The following HMGB1 variants were observed in gnomAD, a reference collection of about 807,000 sequenced individuals.
HMGB1 encodes the protein high mobility group protein B1.
For missense variants in HMGB1, 79 were observed against 253.5 expected, an observed-to-expected ratio of 0.31 and a Z score of 4.67; for synonymous variants, 81 against 84.0, an observed-to-expected ratio of 0.96 and a Z score of 0.19.
chr13:30,520,710 A>C (rs1335022478), intron 1 of HMGB1, among the ~76,000 whole-genome samples: 1 of 152,222 alleles, frequency 6.6e-6, no homozygotes, highest in African/African-American at 2.4e-5. Context: ...TGTTTGACTC[A>C]GAGTCTGCTT....
intron 1 of HMGB1, among the ~76,000 whole-genome samples, chr13:30,599,920 T>A (rs1047135410): frequency 1.7e-4 from 26 of 152,224 alleles, no homozygotes; most frequent in African/African-American, 6.3e-4. Flanking sequence ...TATAGTATAG[T>A]AACTGCATCT....
At chr13:30,476,669 G>A (rs750754968) in intron 1 of HMGB1, among the ~76,000 whole-genome samples, 1 of 151,924 alleles carries the variant, frequency 6.6e-6, no homozygotes, top group Non-Finnish European at 1.5e-5. Flanking sequence ...TTCAAGACCA[G>A]CCTGGCCAAC....
Position 30,457,662 on chromosome 13 carries a change from CT to C in HMGB1, c.*3694del, listed in dbSNP as rs1886046941. Reference sequence around the variant, plus strand: ...AGAGATTACCTTAGACTGAACCCCCCTGGAAGACGAGCATTACATATTCTGG... The same window carrying C: ...AGAGATTACCTTAGACTGAACCCCCCGGAAGACGAGCATTACATATTCTGG... On this transcript the variant is annotated 3_prime_UTR_variant, in exon 5 of 5. Transcript: ENST00000341423. 1.3e-5 allele frequency: 2 copies of C among 152,360 alleles called. No individual in the cohort carries two copies. The highest frequency in any genetic ancestry group is 1.3e-4 in the Admixed American group (2 of 15,304). 9.4% of individuals were successfully genotyped at this position (152,360 alleles called of 1,614,324 possible).
intron 1 of HMGB1, among the ~76,000 whole-genome samples, chr13:30,568,398 T>TTGAGAGGC (rs1165952622): frequency 6.6e-6 from 1 of 152,118 alleles, no homozygotes; most frequent in Admixed American, 6.6e-5. Flanking sequence ...TTCCAGCTAC[T>TTGAGAGGC]TGAGAGGCTG....
rs1886183860 is a variant in HMGB1 at position 30,459,635 on chromosome 13, C to T, written c.*1722G>A. The T allele has an allele frequency of 6.6e-6, 1 of 152,084 alleles. No homozygotes were observed. The highest frequency in any genetic ancestry group is 6.6e-5 in the Admixed American group (1 of 15,264). 9.4% of individuals were successfully genotyped at this position (152,084 alleles called of 1,614,324 possible). A position where few individuals can be genotyped will look rare whatever the true frequency, so the allele number is the denominator to read the frequency against. ...CTGAAAGTAAAACTAGTTTTTCCTC[C>T]TTTATATATAGCACCGAATACTTGC... is the stretch of plus-strand genomic sequence containing the variant. On this transcript the variant is annotated 3_prime_UTR_variant, in exon 5 of 5. Transcript: ENST00000341423.
chr13:30,478,861 CTT>C (rs998202301), intron 1 of HMGB1, among the ~76,000 whole-genome samples: 7 of 135,216 alleles, frequency 5.2e-5, no homozygotes, highest in Non-Finnish European at 1.0e-4. Flanking sequence ...TTTTTCTTTT[CTT>C]TTCTTTTCTT....
At chr13:30,527,161 G>A (rs916166095) in intron 1 of HMGB1, among the ~76,000 whole-genome samples, 14 of 152,214 alleles carry the variant, frequency 9.2e-5, no homozygotes, top group East Asian at 1.9e-4. Context: ...CCAGGGAGGC[G>A]GGCGAGAAAG....
intron 1 of HMGB1, among the ~76,000 whole-genome samples, chr13:30,503,003 T>C (rs1457919414): frequency 1.3e-5 from 2 of 151,736 alleles, no homozygotes; most frequent in East Asian, 1.9e-4. Flanking sequence ...GTTGATGAGA[T>C]ATAAAGGAGG....
At chr13:30,542,720 T>A (rs1337206077) in intron 1 of HMGB1, 2 of 220,206 alleles carry the variant, frequency 9.1e-6, no homozygotes, top group East Asian at 1.1e-4. Flanking sequence ...AAATTCCTCA[T>A]CCGCCTCATC....
At chr13:30,504,448 T>C (rs566850922) in intron 1 of HMGB1, among the ~76,000 whole-genome samples, 185 of 152,272 alleles carry the variant, frequency 1.2e-3, no homozygotes, top group Middle Eastern at 6.8e-3. Flanking sequence ...TTGCTTTTTT[T>C]CCCCCCAACA....
At chr13:30,600,076 A>G (rs1004385284) in intron 1 of HMGB1, among the ~76,000 whole-genome samples, 3 of 152,242 alleles carry the variant, frequency 2.0e-5, no homozygotes, top group African/African-American at 7.2e-5. Flanking sequence ...GGACTCATCT[A>G]TGGTGGTAGA....
chr13:30,589,626 T>C (rs1469858195), intron 1 of HMGB1, among the ~76,000 whole-genome samples: 1 of 152,160 alleles, frequency 6.6e-6, no homozygotes, highest in East Asian at 1.9e-4. Context: ...CCCAGCACTC[T>C]GGGAGGCTGA....
At chr13:30,613,067 C>T (rs1950527625) in intron 1 of HMGB1, among the ~76,000 whole-genome samples, 1 of 152,042 alleles carries the variant, frequency 6.6e-6, no homozygotes, top group Non-Finnish European at 1.5e-5. Context: ...ATTGTTACTT[C>T]TTTTAGGCCT....
intron 1 of HMGB1, among the ~76,000 whole-genome samples, chr13:30,602,319 C>G (rs1288269022): frequency 6.6e-6 from 1 of 152,156 alleles, no homozygotes; most frequent in East Asian, 1.9e-4. Flanking sequence ...CAGCTGCTAA[C>G]TGACTACAGC....
Position 30,579,457 on chromosome 13 carries a change from C to T in HMGB1, c.-15+37214G>A, listed in dbSNP as rs529134366. On this transcript the variant is annotated intron_variant, in intron 1 of 4. Transcript: ENST00000405805. Reference sequence around the variant, plus strand: ...CATATGGTCATTTCTTAGTTTAGTACAATTTATTATTTTCGTAATAACCTC... The same window carrying T: ...CATATGGTCATTTCTTAGTTTAGTATAATTTATTATTTTCGTAATAACCTC... Among the ~76,000 whole-genome samples, 3 of 152,248 alleles carry T rather than the reference C, an allele frequency of 2.0e-5. No individual in the cohort carries two copies. In the South Asian group the frequency reaches 6.2e-4, roughly 32 times the overall value.
At chr13:30,464,681 G>C in intron 1 of HMGB1, 1 of 973,498 alleles carries the variant, frequency 1.0e-6, no homozygotes, top group Non-Finnish European at 1.2e-6. Flanking sequence ...GGCGCGCACG[G>C]AATGGCCGCT....
At chr13:30,530,617 CAAT>C (rs1410839798) in intron 1 of HMGB1, among the ~76,000 whole-genome samples, 4 of 152,070 alleles carry the variant, frequency 2.6e-5, no homozygotes, top group Non-Finnish European at 5.9e-5. Context: ...AAAATTCTGT[CAAT>C]AAGGGAATGG....
chr13:30,532,818 T>G (rs1888526334), intron 1 of HMGB1, among the ~76,000 whole-genome samples: 1 of 152,154 alleles, frequency 6.6e-6, no homozygotes, highest in African/African-American at 2.4e-5. Flanking sequence ...TTTAATCTCC[T>G]TCCAGATGTT....
At chr13:30,484,695 C>G (rs146498192) in intron 1 of HMGB1, among the ~76,000 whole-genome samples, 1 of 150,658 alleles carries the variant, frequency 6.6e-6, no homozygotes, top group Non-Finnish European at 1.5e-5. Context: ...CATTGTGAGA[C>G]CCTGTCTCAA....
Sources: gnomAD v4.1 joint callset for allele counts (sites outside exome capture counted in the v4.1 genomes callset) on GRCh38, gnomAD v4.1.1 for gene constraint, MANE v1.5 for transcripts, NCBI Gene and HGNC (gene_info 2026-07-23, HGNC 2026-07-21) for gene names.